Variants in AGBL4 observed in about 807,000 individuals in gnomAD.
AGBL4 encodes AGBL carboxypeptidase 4.
A neutral mutation model predicts 66.4 loss-of-function variants in AGBL4; 58 were observed. The ratio of observed to expected loss-of-function variants is 0.87; its 90% CI spans 0.71 to 1.09. The LOEUF is 1.09. Among genes scored for constraint, AGBL4 ranks in the 50% least tolerant of loss-of-function variants. The pLI, the probability that AGBL4 is intolerant of heterozygous loss-of-function variation, is 0.00. For synonymous variants in AGBL4, 234 were observed against 222.9 expected (o/e 1.05, Z -0.44); for missense variants, 579 against 631.0 (o/e 0.92, Z 0.88).
chr1:49,144,190 A>G (rs1305885181), intron 4 of AGBL4, among the ~76,000 whole-genome samples: 1 of 152,148 alleles, frequency 6.6e-6, no homozygotes, highest in African/African-American at 2.4e-5. Flanking sequence ...AGAATATCAG[A>G]AAAAAAGTTT....
At chr1:48,788,750 G>A (rs189225866) in intron 6 of AGBL4, among the ~76,000 whole-genome samples, 1 of 152,144 alleles carries the variant, frequency 6.6e-6, no homozygotes, top group Non-Finnish European at 1.5e-5. Context: ...ACTCCTTTAA[G>A]ACTGTCTTAT....
chr1:48,771,155 C>T (rs1425239044), intron 6 of AGBL4, among the ~76,000 whole-genome samples: 1 of 152,184 alleles, frequency 6.6e-6, no homozygotes, highest in African/African-American at 2.4e-5. Flanking sequence ...CCTAGTATAA[C>T]TCAATACTTG....
At chr1:49,675,944 G>A (rs984036288) in intron 3 of AGBL4, among the ~76,000 whole-genome samples, 1 of 152,116 alleles carries the variant, frequency 6.6e-6, no homozygotes, top group Non-Finnish European at 1.5e-5. Context: ...TTTCTTGACT[G>A]CAAGTTATGT....
At chr1:48,735,112 C>A (rs1433164913) in intron 6 of AGBL4, among the ~76,000 whole-genome samples, 1 of 152,216 alleles carries the variant, frequency 6.6e-6, no homozygotes, top group Non-Finnish European at 1.5e-5. Flanking sequence ...AGTTAACATA[C>A]ATAAAAGTGT....
intron 3 of AGBL4, among the ~76,000 whole-genome samples, chr1:49,566,250 C>T (rs925247286): frequency 3.3e-5 from 5 of 152,128 alleles, no homozygotes; most frequent in African/African-American, 1.2e-4. Context: ...TTCGAATTTC[C>T]TCCTTTAGCT....
At chr1:49,108,116 A>G (rs1165589680) in intron 4 of AGBL4, among the ~76,000 whole-genome samples, 12 of 152,020 alleles carry the variant, frequency 7.9e-5, no homozygotes, top group Admixed American at 1.3e-4. Flanking sequence ...TTCACTTTCA[A>G]CCCTCTGCAC....
At chr1:49,007,642 C>T (rs1221769852) in intron 5 of AGBL4, among the ~76,000 whole-genome samples, 1 of 151,778 alleles carries the variant, frequency 6.6e-6, no homozygotes, top group Non-Finnish European at 1.5e-5. Flanking sequence ...GTCGGGTTAC[C>T]CTCAAAGGGA....
At chr1:48,613,837 C>A (rs984781894) in intron 9 of AGBL4, among the ~76,000 whole-genome samples, 1 of 152,176 alleles carries the variant, frequency 6.6e-6, no homozygotes, top group Admixed American at 6.5e-5. Context: ...GTATTCACAG[C>A]GAAAGCTAAC....
chr1:49,429,549 T>C (rs1570695643), intron 3 of AGBL4, among the ~76,000 whole-genome samples: 1 of 152,172 alleles, frequency 6.6e-6, no homozygotes, highest in Non-Finnish European at 1.5e-5. Context: ...TGAGGGAAAA[T>C]TGACTTAGTT....
In AGBL4 at chr1:49,842,072, C is replaced by G. The variant is rs372627662; in HGVS notation, c.157+9324G>C. On this transcript the variant is annotated intron_variant, in intron 2 of 13. Coordinates refer to ENST00000371839, the MANE Select transcript of AGBL4 (RefSeq NM_032785.4). ...TGTGCCCAGCCTCTACTCATGCCTG[C>G]CCTCTACCTGCATGCCCGACCTCCT... 8.0e-4 allele frequency: 284 copies of G among 356,252 alleles called. 5 individuals are homozygous for G. Among genetic ancestry groups the G allele is most frequent in the South Asian group, 7.6e-3 (263 of 34,742 alleles). 22.1% of individuals were successfully genotyped at this position (356,252 alleles called of 1,614,324 possible).
intron 3 of AGBL4, among the ~76,000 whole-genome samples, chr1:49,340,910 T>C (rs913646620): frequency 6.6e-6 from 1 of 152,242 alleles, no homozygotes; most frequent in Non-Finnish European, 1.5e-5. Flanking sequence ...TAAGTTTTGC[T>C]TTAAAGATAG....
At chr1:49,616,390 T>G (rs1402537815) in intron 3 of AGBL4, among the ~76,000 whole-genome samples, 2 of 152,214 alleles carry the variant, frequency 1.3e-5, no homozygotes, top group African/African-American at 2.4e-5. Context: ...TGTTCTGGTT[T>G]TCCTCTGGCT....
chr1:48,828,282 C>T (rs923427562), intron 6 of AGBL4, among the ~76,000 whole-genome samples: 9 of 152,098 alleles, frequency 5.9e-5, no homozygotes, highest in Non-Finnish European at 1.3e-4. Context: ...GGATTACTCC[C>T]CTCCTACCAC....
At chr1:50,004,643 A>G (rs372730511) in intron 1 of AGBL4, among the ~76,000 whole-genome samples, 3 of 152,082 alleles carry the variant, frequency 2.0e-5, no homozygotes, top group East Asian at 1.9e-4. Flanking sequence ...CAGCTCCCAA[A>G]TGACATTTCT....
intron 4 of AGBL4, among the ~76,000 whole-genome samples, chr1:49,157,190 C>T (rs1202867657): frequency 6.6e-6 from 1 of 151,958 alleles, no homozygotes; most frequent in Admixed American, 6.6e-5. Context: ...AACCTTCAAC[C>T]CATCATCTAC....
At chr1:49,715,287 A>C (rs1306026527) in intron 2 of AGBL4, among the ~76,000 whole-genome samples, 1 of 152,104 alleles carries the variant, frequency 6.6e-6, no homozygotes, top group Non-Finnish European at 1.5e-5. Flanking sequence ...CCCTCAAAGG[A>C]CATGTACTCA....
intron 1 of AGBL4, among the ~76,000 whole-genome samples, chr1:49,945,502 G>C (rs1483609133): frequency 6.6e-6 from 1 of 151,884 alleles, no homozygotes; most frequent in Non-Finnish European, 1.5e-5. Context: ...GTCTTTTTCA[G>C]AAAAACAAAT....
At chr1:49,726,425 A>G (rs1649037090) in intron 2 of AGBL4, among the ~76,000 whole-genome samples, 1 of 152,212 alleles carries the variant, frequency 6.6e-6, no homozygotes, top group Non-Finnish European at 1.5e-5. Context: ...TAAAATGTTT[A>G]GAATTATGGC....
intron 4 of AGBL4, chr1:49,048,423 G>A (rs1400825387): frequency 2.0e-5 from 3 of 152,104 alleles, no homozygotes; most frequent in Non-Finnish European, 4.4e-5. Flanking sequence ...GGTGAGCCGG[G>A]ATGCCTAACC....
Sources: gnomAD v4.1 joint callset for allele counts (sites outside exome capture counted in the v4.1 genomes callset) on GRCh38, gnomAD v4.1.1 for gene constraint, MANE v1.5 for transcripts, NCBI Gene and HGNC (gene_info 2026-07-23, HGNC 2026-07-21) for gene names.